Variants in LRRC71 observed in about 807,000 individuals in gnomAD.
LRRC71 encodes the protein leucine rich repeat containing 71.
Under a neutral mutation model 66.6 loss-of-function variants are expected in LRRC71, and 54 were observed. That is an observed-to-expected ratio of 0.81 (90% CI 0.65 to 1.02). The LOEUF is 1.02. Ranked by LOEUF, LRRC71 falls within the 50% of genes least tolerant of loss-of-function variation. The pLI, the probability that LRRC71 is intolerant of heterozygous loss-of-function variation, is 0.00. For missense variants in LRRC71, 724 were observed against 718.0 expected, an observed-to-expected ratio of 1.01 and a Z score of -0.10; for synonymous variants, 323 against 303.9, an observed-to-expected ratio of 1.06 and a Z score of -0.65.
chr1:156,921,797 GA>G lies in LRRC71; in HGVS notation c.160+835del, dbSNP rs1355564619. ...TGCTGTATAGAATACAGGGTGGAAG[GA>G]GGCAAACAGATGAGTTACCGGACTA... On this transcript the variant is annotated intron_variant, in intron 1 of 14. Transcript: ENST00000337428. 7 of 354,108 alleles carry G rather than the reference GA, an allele frequency of 2.0e-5. No homozygotes were observed. The Admixed American group carries it at 4.5e-4, about 23-fold the overall frequency. The allele number at this position is 354,108 out of a possible 1,614,324, so 21.9% of individuals were successfully genotyped here. A position where few individuals can be genotyped will look rare whatever the true frequency, so the allele number is the denominator to read the frequency against.
rs376533502 is a variant in LRRC71 at position 156,924,926 on chromosome 1, C to T, written c.516-12C>T. On this transcript the variant is annotated splice_polypyrimidine_tract_variant and intron_variant, in intron 4 of 14. Coordinates refer to ENST00000337428, the MANE Select transcript of LRRC71 (RefSeq NM_144702.3). ...TCTAGCTCTGTGTTTCTGCACTTCC[C>T]GCCCACGACAGCTTGTGGAAGGTGG... is the stretch of plus-strand genomic sequence containing the variant. The T allele has an allele frequency of 5.1e-5, 79 of 1,551,506 alleles. No homozygotes were observed. Among genetic ancestry groups the T allele is most frequent in the Non-Finnish European group, 6.1e-5 (70 of 1,146,958 alleles).
the LRRC71 span, chr1:156,939,438 T>G: frequency 6.7e-7 from 1 of 1,503,654 alleles, no homozygotes; most frequent in South Asian, 1.2e-5. Context: ...CGTAGGTCTC[T>G]GCTCACACGG....
At position 156,929,298 on chromosome 1, in the gene LRRC71, G is replaced by A. The variant is rs569075318; in HGVS notation, c.1015G>A (p.Gly339Arg). ...RSRSPSSSRH[G>R]DSKTDREKSQ... is the part of the protein sequence containing the mutation. Reference sequence around the variant, plus strand: ...AGCACAGCCCTCCTCCTCTCGACACGGGGACTCCAAAACGGACCGTGAGAA... The same window carrying A: ...AGCACAGCCCTCCTCCTCTCGACACAGGGACTCCAAAACGGACCGTGAGAA... Residue 339 changes from glycine (G) to arginine (R), a missense_variant, in exon 10 of 15, where the codon GGG becomes AGG. Coordinates refer to ENST00000337428, the MANE Select transcript of LRRC71 (RefSeq NM_144702.3). 69 of 1,606,878 alleles carry A rather than the reference G, an allele frequency of 4.3e-5. No individual in the cohort carries two copies. Among genetic ancestry groups the A allele is most frequent in the East Asian group, 1.8e-4 (8 of 44,586 alleles).
In LRRC71 at chr1:156,929,401, G is replaced by T. The variant is rs1479326709; in HGVS notation, c.1118G>T (p.Gly373Val). ...ACGCAGACAATGAAAACCCCTAAGG[G>T]CCTGGGCAAGAAAAAGGAGAAATCA... ...DKTQTMKTPK[G>V]LGKKKEKSWE... Residue 373 changes from glycine (G) to valine (V), a missense_variant, in exon 10 of 15, where the codon GGC (glycine) becomes GTC (valine). Gly to Val is a moderately radical substitution (Grantham distance 109, BLOSUM62 -3). Transcript: ENST00000337428. The T allele has an allele frequency of 1.2e-6, 2 of 1,613,890 alleles. No homozygotes were observed. Among genetic ancestry groups the T allele is most frequent in the Admixed American group, 1.7e-5 (1 of 60,002 alleles).
At chr1:156,939,210 A>G in the LRRC71 span, 1 of 312,582 alleles carries the variant, frequency 3.2e-6, no homozygotes. Context: ...TGGGAACAGG[A>G]GATCAGTGAG....
intron 5 of LRRC71, among the ~76,000 whole-genome samples, chr1:156,926,659 C>A (rs1398108405): frequency 6.6e-6 from 1 of 150,708 alleles, no homozygotes; most frequent in Admixed American, 6.6e-5. Flanking sequence ...ACTGCAACCT[C>A]CGCCTCCTGG....
chr1:156,920,688 C>G lies in LRRC71; in HGVS notation c.-116C>G, dbSNP rs1232004317. 5.6e-6 allele frequency: 7 copies of G among 1,260,300 alleles called. No individual in the cohort carries two copies. Among genetic ancestry groups the G allele is most frequent in the Non-Finnish European group, 7.2e-6 (7 of 976,050 alleles). The allele number at this position is 1,260,300 out of a possible 1,614,324, so 78.1% of individuals were successfully genotyped here. ...CACCGCGGACGGGTCGGATCCGGTC[C>G]CTGGACGCGGAACAGAGATCCCCTG... On this transcript the variant is annotated 5_prime_UTR_variant, in exon 1 of 15. Coordinates refer to ENST00000337428, the MANE Select transcript of LRRC71 (RefSeq NM_144702.3). This position sits in a 1 kb window ranked among gnomAD's most constrained non-coding sequence, Gnocchi z 4.9.
rs781140004 is a variant in LRRC71 at position 156,929,255 on chromosome 1, C to G, written c.997-25C>G. The G allele has an allele frequency of 2.5e-5, 39 of 1,582,804 alleles. 1 individual carries two copies. The highest frequency in any genetic ancestry group is 4.0e-5 in the African/African-American group (3 of 74,360). ...AGGAAGGGGCTCTGGCTTCTTCCCC[C>G]CTTCCCTCCCATTTGTGAGCACAGC... On this transcript the variant is annotated intron_variant, in intron 9 of 14. Transcript: ENST00000337428.
chr1:156,920,824 G>A lies in LRRC71; in HGVS notation c.21G>A (p.Ala7=). MSSEQS[A]PGASPRAPRP... is the part of the protein sequence containing the mutation. The stretch of plus-strand genomic sequence containing the variant: ...CCAGCATGTCGAGCGAGCAGAGCGC[G>A]CCGGGGGCCTCACCCAGGGCCCCGC... Residue 7 remains alanine, a synonymous_variant, in exon 1 of 15, where the codon GCG becomes GCA. Coordinates refer to ENST00000337428, the MANE Select transcript of LRRC71 (RefSeq NM_144702.3). The surrounding 1 kb of genome is among the most constrained non-coding windows in gnomAD (Gnocchi z 4.9). 1 of 1,530,928 alleles carries A rather than the reference G, an allele frequency of 6.5e-7. No homozygotes were observed. Among genetic ancestry groups the A allele is most frequent in the South Asian group, 1.2e-5 (1 of 81,686 alleles). 94.8% of individuals were successfully genotyped at this position (1,530,928 alleles called of 1,614,324 possible). A position where few individuals can be genotyped will look rare whatever the true frequency, so the allele number is the denominator to read the frequency against.
Position 156,920,926 on chromosome 1 carries a change from T to A in LRRC71, c.123T>A (p.Val41=). ...ERAAKEKPAT[V]LPPVGEEEPK... ...CGGCCAAAGAGAAGCCAGCGACCGT[T>A]CTGCCTCCCGTGGGGGAGGAGGAGC... is the stretch of plus-strand genomic sequence containing the variant. The change falls in exon 1 of 15, where the codon GTT becomes GTA. Residue 41 remains valine, a synonymous_variant. Transcript: ENST00000337428. This position sits in a 1 kb window ranked among gnomAD's most constrained non-coding sequence, Gnocchi z 4.9. 1 of 1,540,196 alleles carries A rather than the reference T, an allele frequency of 6.5e-7. No individual in the cohort carries two copies.
At chr1:156,930,093 C>CTTTCTTTCTTTTCTTTCTT (rs1571069635) in intron 11 of LRRC71, among the ~76,000 whole-genome samples, 2 of 57,674 alleles carry the variant, frequency 3.5e-5, no homozygotes, top group Admixed American at 1.8e-4. Context: ...TTCTTTCTTT[C>CTTTCTTTCTTTTCTTTCTT]TCTCTCTTTT....
intron 9 of LRRC71, among the ~76,000 whole-genome samples, chr1:156,928,316 C>CTTT (rs1169174901): frequency 6.7e-6 from 1 of 148,936 alleles, no homozygotes; most frequent in African/African-American, 2.5e-5. Context: ...TAAACAACTT[C>CTTT]TTCTTCTTCT....
chr1:156,938,016 A>G (rs1228861706), downstream of LRRC71, among the ~76,000 whole-genome samples: 1 of 152,198 alleles, frequency 6.6e-6, no homozygotes, highest in Non-Finnish European at 1.5e-5. Flanking sequence ...CAGGAAGCAC[A>G]GAGAACCACC....
At chr1:156,930,020 CTT>C (rs1164421880) in intron 11 of LRRC71, among the ~76,000 whole-genome samples, 2 of 110,370 alleles carry the variant, frequency 1.8e-5, no homozygotes, top group African/African-American at 7.4e-5. Context: ...TTTCTTTTTT[CTT>C]TTCTTTTCTT....
At chr1:156,936,009 T>C (rs921098938), downstream of LRRC71, 4 of 1,613,482 alleles carry the variant, frequency 2.5e-6, no homozygotes, top group Non-Finnish European at 3.4e-6. Flanking sequence ...GTTATGGTCC[T>C]GGTGACGCGG....
intron 11 of LRRC71, among the ~76,000 whole-genome samples, chr1:156,930,042 TTCTC>T (rs368046683): frequency 7.1e-6 from 1 of 140,204 alleles, no homozygotes; most frequent in Non-Finnish European, 1.5e-5. Context: ...TTTTCTTTCT[TTCTC>T]TTTCTTTCTT....
chr1:156,920,743 G>T lies in LRRC71; in HGVS notation c.-61G>T, dbSNP rs1652229555. On this transcript the variant is annotated 5_prime_UTR_variant, in exon 1 of 15. Coordinates refer to ENST00000337428, the MANE Select transcript of LRRC71 (RefSeq NM_144702.3). The surrounding 1 kb of genome is among the most constrained non-coding windows in gnomAD (Gnocchi z 4.9). ...AGCCACCCCCAGACTGAGCCCCGTAGAGTGCGTTCTTACCTTCCTGCCCCG... is the reference window on the plus strand; with the variant it reads ...AGCCACCCCCAGACTGAGCCCCGTATAGTGCGTTCTTACCTTCCTGCCCCG... 2.1e-6 allele frequency: 3 copies of T among 1,434,560 alleles called. No homozygotes were observed. In the East Asian group the frequency reaches 8.1e-5, roughly 39 times the overall value. The allele number at this position is 1,434,560 out of a possible 1,614,324, so 88.9% of individuals were successfully genotyped here.
chr1:156,924,131 A>G, intron 2 of LRRC71, 33 bp downstream of exon 2: 1 of 1,511,676 alleles, frequency 6.6e-7, no homozygotes, highest in Non-Finnish European at 8.9e-7. Flanking sequence ...GGTGCCTGCC[A>G]GGGCCGCCTA....
At position 156,927,991 on chromosome 1, in the gene LRRC71, AGC is replaced by A. The variant is rs1653501456; in HGVS notation, c.986_987del (p.Arg329LeufsTer17). 6.2e-7 allele frequency: 1 copy of A among 1,604,194 alleles called. No homozygotes were observed. Among genetic ancestry groups the A allele is most frequent in the African/African-American group, 1.3e-5 (1 of 74,722 alleles). ...CTCCTGCTGGAAAAAGGGACACAGG[AGC>A]GCTCGCGATCGGTGAGGAGCTACCA... On this transcript the variant is annotated frameshift_variant, in exon 9 of 15. Transcript: ENST00000337428. LOFTEE classifies it high-confidence loss of function.
Sources: gnomAD v4.1 joint callset for allele counts (sites outside exome capture counted in the v4.1 genomes callset) on GRCh38, gnomAD v4.1.1 for gene constraint, Gnocchi (gnomAD v3.1) non-coding constraint, MANE v1.5 for transcripts, NCBI Gene and HGNC (gene_info 2026-07-23, HGNC 2026-07-21) for gene names.